Variants in STOML2 observed in about 807,000 individuals in gnomAD.
STOML2 encodes stomatin like 2.
A neutral mutation model predicts 45.7 loss-of-function variants in STOML2; 22 were observed. The ratio of observed to expected loss-of-function variants is 0.48; its 90% CI spans 0.34 to 0.69. The LOEUF (loss-of-function observed/expected upper bound fraction) is 0.69. Ranked by LOEUF, STOML2 falls within the 30% of genes least tolerant of loss-of-function variation. The pLI, the probability that STOML2 is intolerant of heterozygous loss-of-function variation, is 0.01. For missense variants in STOML2, 359 were observed against 466.9 expected (o/e 0.77, Z 2.13); for synonymous variants, 181 against 182.7 (o/e 0.99, Z 0.08).
In STOML2 at chr9:35,101,581, C is replaced by G. The variant is rs952915534; in HGVS notation, c.445-21G>C. 13 of 1,613,822 alleles carry G rather than the reference C, an allele frequency of 8.1e-6. No individual in the cohort carries two copies. The highest frequency in any genetic ancestry group is 1.7e-5 in the Admixed American group (1 of 59,990). Reference sequence around the variant, plus strand: ...CGTTCCTGGAAAAAGAGGTGTAAGCCCCACAGCCTCAACCTACCTATCAAG... The same window carrying G: ...CGTTCCTGGAAAAAGAGGTGTAAGCGCCACAGCCTCAACCTACCTATCAAG... On this transcript the variant is annotated intron_variant, in intron 5 of 9. Transcript: ENST00000356493. The surrounding 1 kb of genome is among the most constrained non-coding windows in gnomAD (Gnocchi z 4.3).
rs1484911120 is a variant in STOML2 at position 35,101,418 on chromosome 9, GC to G, written c.579+7del. On this transcript the variant is annotated splice_region_variant and intron_variant, in intron 6 of 9. Coordinates refer to ENST00000356493, the MANE Select transcript of STOML2 (RefSeq NM_013442.3). This position sits in a 1 kb window ranked among gnomAD's most constrained non-coding sequence, Gnocchi z 4.3. Reference sequence around the variant, plus strand: ...GAGGCCCTTTTCCCACCCCTCCTTGGCCCCCACCTGCATCTGCATAGACTCT... The same window carrying G: ...GAGGCCCTTTTCCCACCCCTCCTTGGCCCCACCTGCATCTGCATAGACTCT... The G allele has an allele frequency of 6.2e-7, 1 of 1,613,934 alleles. No homozygotes were observed. Among genetic ancestry groups the G allele is most frequent in the South Asian group, 1.1e-5 (1 of 91,074 alleles).
At position 35,102,590 on chromosome 9, in the gene STOML2, CAG is replaced by C; in HGVS notation, c.183+94_183+95del. On this transcript the variant is annotated intron_variant, in intron 2 of 9. Transcript: ENST00000356493. This position sits in a 1 kb window ranked among gnomAD's most constrained non-coding sequence, Gnocchi z 4.8. ...TCTGGCCTACAGAGTCGGGAGCTAA[CAG>C]TGCGGGCAGGCCCAAAGGAAGTCCT... 1 of 1,544,210 alleles carries C rather than the reference CAG, an allele frequency of 6.5e-7. No homozygotes were observed. The highest frequency in any genetic ancestry group is 8.7e-7 in the Non-Finnish European group (1 of 1,147,678).
Position 35,100,586 on chromosome 9 carries a change from G to A in STOML2, c.933+12C>T, listed in dbSNP as rs750099678. ...ACCAGTGCTCTATGCTGGGTCCTCA[G>A]AGAGCTCTAACCTGAGCCACCATGC... On this transcript the variant is annotated intron_variant, in intron 9 of 9. Transcript: ENST00000356493. 9.3e-6 allele frequency: 15 copies of A among 1,613,330 alleles called. No individual in the cohort carries two copies. The highest frequency in any genetic ancestry group is 1.7e-5 in the Admixed American group (1 of 59,988).
At chr9:35,100,247 G>A in intron 9 of STOML2, 75 bp from the exon 10 acceptor site, 1 of 1,568,540 alleles carries the variant, frequency 6.4e-7, no homozygotes, top group Non-Finnish European at 8.7e-7. Flanking sequence ...TGGCTAAACG[G>A]GAAAAGATGG....
At position 35,102,644 on chromosome 9, in the gene STOML2, G is replaced by A. The variant is rs376276839; in HGVS notation, c.183+42C>T. The A allele has an allele frequency of 9.3e-6, 15 of 1,606,738 alleles. No individual in the cohort carries two copies. In the African/African-American group the frequency reaches 2.0e-4, roughly 22 times the overall value. ...CCGACATTGCATGTCGTGAGGGATT[G>A]GTCATCTGGCTGGCCCAGGGTGGGC... On this transcript the variant is annotated intron_variant, in intron 2 of 9. Coordinates refer to ENST00000356493, the MANE Select transcript of STOML2 (RefSeq NM_013442.3). The surrounding 1 kb of genome is among the most constrained non-coding windows in gnomAD (Gnocchi z 4.8).
rs1025778156 is a variant in STOML2 at position 35,103,031 on chromosome 9, A to G, written c.45+19T>C. The G allele has an allele frequency of 3.1e-6, 5 of 1,613,842 alleles. No homozygotes were observed. The highest frequency in any genetic ancestry group is 4.2e-6 in the Non-Finnish European group (5 of 1,179,956). ...GTAATCTCTGTCCTGACCCTCTGGA[A>G]AGGTTGCCTCGCTCTCACCCTCAGC... On this transcript the variant is annotated intron_variant, in intron 1 of 9. Coordinates refer to ENST00000356493, the MANE Select transcript of STOML2 (RefSeq NM_013442.3).
At position 35,102,628 on chromosome 9, in the gene STOML2, C is replaced by T; in HGVS notation, c.183+58G>A. On this transcript the variant is annotated intron_variant, in intron 2 of 9. Transcript: ENST00000356493. The surrounding 1 kb of genome is among the most constrained non-coding windows in gnomAD (Gnocchi z 4.8). ...CCCAAAGGAAGTCCTCCCGACATTGCATGTCGTGAGGGATTGGTCATCTGG... is the reference window on the plus strand; with the variant it reads ...CCCAAAGGAAGTCCTCCCGACATTGTATGTCGTGAGGGATTGGTCATCTGG... 5.0e-6 allele frequency: 8 copies of T among 1,597,228 alleles called. No individual in the cohort carries two copies. The highest frequency in any genetic ancestry group is 6.8e-6 in the Non-Finnish European group (8 of 1,172,538).
chr9:35,103,088 C>T lies in STOML2; in HGVS notation c.7G>A (p.Ala3Thr), dbSNP rs553229212. 3 of 1,613,710 alleles carry T rather than the reference C, an allele frequency of 1.9e-6. No individual in the cohort carries two copies. The highest frequency in any genetic ancestry group is 2.5e-6 in the Non-Finnish European group (3 of 1,179,966). ML[A>T]RAARGTGALL... ...GCCCCAGTGCCCCGCGCCGCGCGCG[C>T]CAGCATTTCCCACCGCCGCAGCGAC... The change falls in exon 1 of 10, where the codon GCG becomes ACG. Residue 3 changes from alanine (A) to threonine (T), a missense_variant. Around this residue, in one of 2 missense-constraint regions of STOML2, gnomAD observed 74 missense variants for 45.0 expected, o/e 1.65. Coordinates refer to ENST00000356493, the MANE Select transcript of STOML2 (RefSeq NM_013442.3).
chr9:35,101,601 A>G lies in STOML2; in HGVS notation c.445-41T>C. ...TAAGCCCCACAGCCTCAACCTACCT[A>G]TCAAGGGCCTACACTGAGAAGGGCC... On this transcript the variant is annotated intron_variant, in intron 5 of 9. Transcript: ENST00000356493. This position sits in a 1 kb window ranked among gnomAD's most constrained non-coding sequence, Gnocchi z 4.3. 6.2e-7 allele frequency: 1 copy of G among 1,613,876 alleles called. No individual in the cohort carries two copies. The highest frequency in any genetic ancestry group is 8.5e-7 in the Non-Finnish European group (1 of 1,180,010).
In STOML2 at chr9:35,101,320, A is replaced by T. The variant is rs1426827437; in HGVS notation, c.580-41T>A. ...AATCCCAATCAACAAGCCAAGGGAG[A>T]CTGATACAGACATGCAACTCTACCC... On this transcript the variant is annotated intron_variant, in intron 6 of 9. Coordinates refer to ENST00000356493, the MANE Select transcript of STOML2 (RefSeq NM_013442.3). The surrounding 1 kb of genome is among the most constrained non-coding windows in gnomAD (Gnocchi z 4.3). 3.7e-6 allele frequency: 6 copies of T among 1,613,560 alleles called. No homozygotes were observed. Among genetic ancestry groups the T allele is most frequent in the Non-Finnish European group, 5.1e-6 (6 of 1,179,684 alleles).
At position 35,100,101 on chromosome 9, in the gene STOML2, G is replaced by A. The variant is rs757672899; in HGVS notation, c.1005C>T (p.Ser335=). 3 of 1,614,062 alleles carry A rather than the reference G, an allele frequency of 1.9e-6. No individual in the cohort carries two copies. Among genetic ancestry groups the A allele is most frequent in the African/African-American group, 2.7e-5 (2 of 74,914 alleles). The change falls in exon 10 of 10, where the codon AGC becomes AGT. Residue 335 remains serine, a synonymous_variant. Coordinates refer to ENST00000356493, the MANE Select transcript of STOML2 (RefSeq NM_013442.3). ...PGTPDSLSSG[S]SRDVQGTDAS... ...CATCTGTACCCTGGACATCTCTGCTGCTCCCACTGGAGAGTGAGTCTGGAG... is the reference window on the plus strand; with the variant it reads ...CATCTGTACCCTGGACATCTCTGCTACTCCCACTGGAGAGTGAGTCTGGAG...
Position 35,101,801 on chromosome 9 carries a change from C to T in STOML2, c.353G>A (p.Gly118Asp), listed in dbSNP as rs1323148887. ...RIMDPYKASY[G>D]VEDPEYAVTQ... ...GACGGCATACTCAGGGTCCTCCACA[C>T]CGTAGCTTGCCTGAGATGGACACGG... Residue 118 changes from glycine (G) to aspartate (D), a missense_variant, in exon 5 of 10, where the codon GGT (glycine) becomes GAT (aspartate). This residue lies in a region of STOML2 where 285 missense variants were observed against 422.0 expected (regional missense o/e 0.68). Transcript: ENST00000356493. This position sits in a 1 kb window ranked among gnomAD's most constrained non-coding sequence, Gnocchi z 4.3. 6.2e-7 allele frequency: 1 copy of T among 1,614,148 alleles called. No homozygotes were observed. The highest frequency in any genetic ancestry group is 8.5e-7 in the Non-Finnish European group (1 of 1,180,032).
Position 35,101,411 on chromosome 9 carries a change from C to G in STOML2, c.579+15G>C, listed in dbSNP as rs1829814378. The G allele has an allele frequency of 3.7e-6, 6 of 1,614,082 alleles. No individual in the cohort carries two copies. In the South Asian group the frequency reaches 6.6e-5, roughly 18 times the overall value. ...GCACCCTGAGGCCCTTTTCCCACCC[C>G]TCCTTGGCCCCCACCTGCATCTGCA... On this transcript the variant is annotated intron_variant, in intron 6 of 9. Transcript: ENST00000356493. The surrounding 1 kb of genome is among the most constrained non-coding windows in gnomAD (Gnocchi z 4.3).
chr9:35,100,041 C>T lies in STOML2; in HGVS notation c.1065G>A (p.Met355Ile). The change falls in exon 10 of 10, where the codon ATG becomes ATA. Residue 355 changes from methionine (M) to isoleucine (I), a missense_variant. Transcript: ENST00000356493. ...CTGGCCAAGCCCAGCTCCACTAACT[C>T]ATCTTGACTCGATCAAGTTCCTCAT... ...SLDEELDRVK[M>I]S 1 of 1,614,216 alleles carries T rather than the reference C, an allele frequency of 6.2e-7. No individual in the cohort carries two copies. Among genetic ancestry groups the T allele is most frequent in the Non-Finnish European group, 8.5e-7 (1 of 1,180,012 alleles).
chr9:35,100,271 A>G lies in STOML2; in HGVS notation c.934-99T>C, dbSNP rs554510385. The G allele has an allele frequency of 2.7e-4, 403 of 1,500,254 alleles. 2 individuals are homozygous for G. The Middle Eastern group carries it at 3.3e-3, about 12-fold the overall frequency. The allele number at this position is 1,500,254 out of a possible 1,614,324, so 92.9% of individuals were successfully genotyped here. On this transcript the variant is annotated intron_variant, in intron 9 of 9. Transcript: ENST00000356493. The stretch of plus-strand genomic sequence containing the variant: ...GGGAAAAGATGGCATGGGGGCCAGT[A>G]AGTTGGTTTTCCTTTCTCCCTCTCT...
In STOML2 at chr9:35,102,574, C is replaced by A; in HGVS notation, c.183+112G>T. ...CCTGGGCCCTGTCAGGTCTGGCCTACAGAGTCGGGAGCTAACAGTGCGGGC... is the reference window on the plus strand; with the variant it reads ...CCTGGGCCCTGTCAGGTCTGGCCTAAAGAGTCGGGAGCTAACAGTGCGGGC... On this transcript the variant is annotated intron_variant, in intron 2 of 9. Coordinates refer to ENST00000356493, the MANE Select transcript of STOML2 (RefSeq NM_013442.3). This position sits in a 1 kb window ranked among gnomAD's most constrained non-coding sequence, Gnocchi z 4.8. 5 of 1,516,718 alleles carry A rather than the reference C, an allele frequency of 3.3e-6. No individual in the cohort carries two copies. Among genetic ancestry groups the A allele is most frequent in the Non-Finnish European group, 4.4e-6 (5 of 1,130,826 alleles). The allele number at this position is 1,516,718 out of a possible 1,614,324, so 94.0% of individuals were successfully genotyped here.
At chr9:35,100,407 G>T (rs1184785418) in intron 9 of STOML2, among the ~76,000 whole-genome samples, 191 bp downstream of exon 9, 2 of 152,164 alleles carry the variant, frequency 1.3e-5, no homozygotes, top group Admixed American at 6.5e-5. Flanking sequence ...GGTATCTCAA[G>T]AACTTCCATA....
Position 35,100,979 on chromosome 9 carries a change from C to A in STOML2, c.757G>T (p.Ala253Ser). The stretch of plus-strand genomic sequence containing the variant: ...AGGATTCGAATAGCTTCAGCTTTAG[C>A]CTTGGCCTTCGCCAGAACTGCACTG... ...EASAVLAKAK[A>S]KAEAIRILAA... The change falls in exon 8 of 10, where the codon GCT becomes TCT. Residue 253 changes from alanine to serine, a missense_variant. Ala to Ser is a moderately conservative substitution (Grantham distance 99). Transcript: ENST00000356493. The A allele has an allele frequency of 6.2e-7, 1 of 1,614,164 alleles. No individual in the cohort carries two copies. The highest frequency in any genetic ancestry group is 8.5e-7 in the Non-Finnish European group (1 of 1,180,012).
rs540843323 is a variant in STOML2, at chr9:35,100,938, T to C, written c.798A>G (p.Thr266=). ...CCACCCAGGGGCCTCTCACATGTTGTGTCAGAGCTGCAGCCAGGATTCGAA... is the reference window on the plus strand; with the variant it reads ...CCACCCAGGGGCCTCTCACATGTTGCGTCAGAGCTGCAGCCAGGATTCGAA... The part of the protein sequence containing the change: ...EAIRILAAAL[T]QHNGDAAASL... The change falls in exon 8 of 10, where the codon ACA becomes ACG. Residue 266 remains threonine, a synonymous_variant. Coordinates refer to ENST00000356493, the MANE Select transcript of STOML2 (RefSeq NM_013442.3). 13 of 1,614,228 alleles carry C rather than the reference T, an allele frequency of 8.1e-6. No individual in the cohort carries two copies. The South Asian group carries it at 9.9e-5, about 12-fold the overall frequency.
Sources: gnomAD v4.1 joint callset for allele counts (sites outside exome capture counted in the v4.1 genomes callset) on GRCh38, gnomAD v4.1.1 for gene constraint, gnomAD v4.1.1 regional missense constraint, Gnocchi (gnomAD v3.1) non-coding constraint, MANE v1.5 for transcripts, NCBI Gene and HGNC (gene_info 2026-07-23, HGNC 2026-07-21) for gene names.